Variants in SESTD1 observed in about 807,000 individuals in gnomAD.
SESTD1 encodes SEC14 domain and spectrin repeat-containing protein 1.
A neutral mutation model predicts 101.7 loss-of-function variants in SESTD1; 43 were observed. The ratio of observed to expected loss-of-function variants is 0.42; its 90% CI spans 0.33 to 0.55. SESTD1 has a LOEUF of 0.55. Among genes scored for constraint, SESTD1 ranks in the 20% least tolerant of loss-of-function variants. The pLI is 0.07. For missense variants in SESTD1, 647 were observed against 815.1 expected, an observed-to-expected ratio of 0.79 and a Z score of 2.51; for synonymous variants, 283 against 286.8, an observed-to-expected ratio of 0.99 and a Z score of 0.13.
intron 3 of SESTD1, among the ~76,000 whole-genome samples, chr2:179,182,447 A>G (rs929531360): frequency 4.6e-5 from 7 of 152,154 alleles, no homozygotes; most frequent in Non-Finnish European, 1.0e-4. Flanking sequence ...TAGAATTTTG[A>G]AAAAAATCTC....
chr2:179,156,496 GT>G (rs1399108122), intron 5 of SESTD1, among the ~76,000 whole-genome samples: 1 of 152,044 alleles, frequency 6.6e-6, no homozygotes, highest in South Asian at 2.1e-4. Flanking sequence ...GCCAACATCT[GT>G]TTTTTGATTA....
chr2:179,262,288 T>C (rs1306214357), intron 1 of SESTD1, among the ~76,000 whole-genome samples: 2 of 152,194 alleles, frequency 1.3e-5, no homozygotes, highest in Non-Finnish European at 2.9e-5. Context: ...GACATTTGCA[T>C]AATTTTGTGA....
intron 1 of SESTD1, among the ~76,000 whole-genome samples, chr2:179,214,144 T>C (rs1184625836): frequency 7.4e-6 from 1 of 134,492 alleles, no homozygotes; most frequent in Non-Finnish European, 1.6e-5. Flanking sequence ...TAACCTTAAA[T>C]GTAAATGGGC....
chr2:179,245,939 A>C (rs2047222966), intron 1 of SESTD1, among the ~76,000 whole-genome samples: 1 of 152,206 alleles, frequency 6.6e-6, no homozygotes, highest in African/African-American at 2.4e-5. Flanking sequence ...CTCAAAGTAA[A>C]AGGATGGAAA....
chr2:179,172,384 A>G (rs538970342), intron 4 of SESTD1, 151 bp from the exon 5 acceptor site: 1 of 503,008 alleles, frequency 2.0e-6, no homozygotes, highest in East Asian at 3.1e-5. Context: ...AGACTTCAAA[A>G]CATACATGGC....
chr2:179,182,072 T>C (rs2046123258), intron 3 of SESTD1, among the ~76,000 whole-genome samples: 1 of 151,676 alleles, frequency 6.6e-6, no homozygotes, highest in African/African-American at 2.4e-5. Flanking sequence ...TCAGTTGTTT[T>C]AACCCCATAC....
chr2:179,165,561 C>T (rs2045820820), intron 5 of SESTD1, among the ~76,000 whole-genome samples: 1 of 152,206 alleles, frequency 6.6e-6, no homozygotes, highest in Non-Finnish European at 1.5e-5. Context: ...CCATGAACTG[C>T]AGACCTTACT....
At position 179,103,417 on chromosome 2, in the gene SESTD1, C is replaced by G. The variant is rs1194164715; in HGVS notation, c.*6482G>C. ...TTTCTTTTAAAACTACCCTGTGACCCAGCAATTCTAATCCAAGGAATTTAC... is the reference window on the plus strand; with the variant it reads ...TTTCTTTTAAAACTACCCTGTGACCGAGCAATTCTAATCCAAGGAATTTAC... On this transcript the variant is annotated 3_prime_UTR_variant, in exon 18 of 18. Coordinates refer to ENST00000428443, the MANE Select transcript of SESTD1 (RefSeq NM_178123.5). 6.6e-6 allele frequency: 1 copy of G among 152,072 alleles called. No individual in the cohort carries two copies. Among genetic ancestry groups the G allele is most frequent in the Non-Finnish European group, 1.5e-5 (1 of 67,996 alleles). 9.4% of individuals were successfully genotyped at this position (152,072 alleles called of 1,614,324 possible). A position where few individuals can be genotyped will look rare whatever the true frequency, so the allele number is the denominator to read the frequency against.
chr2:179,206,635 A>G lies in SESTD1; in HGVS notation c.-25-14769T>C, dbSNP rs547974419. ...AAGGATGCTCCTAGCTGAACTCTGT[A>G]ATAATTGCAACTGAGCACAAACTTT... On this transcript the variant is annotated intron_variant, in intron 1 of 17. Transcript: ENST00000428443. 1.5e-5 allele frequency among the ~76,000 whole-genome samples: 2 copies of G among 134,850 alleles called. 1 individual carries two copies. The highest frequency in any genetic ancestry group is 5.9e-5 in the African/African-American group (2 of 34,088). 88.5% of individuals were successfully genotyped at this position (134,850 alleles called of 152,430 possible).
chr2:179,248,123 A>G (rs1225710128), intron 1 of SESTD1, among the ~76,000 whole-genome samples: 1 of 152,028 alleles, frequency 6.6e-6, no homozygotes, highest in African/African-American at 2.4e-5. Flanking sequence ...CAGAGATCTC[A>G]TGGCAGACTC....
At chr2:179,195,121 T>C (rs999805348) in intron 1 of SESTD1, among the ~76,000 whole-genome samples, 14 of 152,216 alleles carry the variant, frequency 9.2e-5, no homozygotes, top group Non-Finnish European at 1.8e-4. Flanking sequence ...GTAAGTGTTC[T>C]TGATGCAGAA....
chr2:179,108,109 G>C lies in SESTD1; in HGVS notation c.*1790C>G, dbSNP rs1283294526. 6.6e-6 allele frequency: 1 copy of C among 152,076 alleles called. No homozygotes were observed. Among genetic ancestry groups the C allele is most frequent in the Non-Finnish European group, 1.5e-5 (1 of 68,006 alleles). 9.4% of individuals were successfully genotyped at this position (152,076 alleles called of 1,614,324 possible). Reference sequence around the variant, plus strand: ...TTAATCAAGGTTGAAATGTCAACTAGGCAATTAAAAAGAAGTACAAGTCTA... The same window carrying C: ...TTAATCAAGGTTGAAATGTCAACTACGCAATTAAAAAGAAGTACAAGTCTA... On this transcript the variant is annotated 3_prime_UTR_variant, in exon 18 of 18. Coordinates refer to ENST00000428443, the MANE Select transcript of SESTD1 (RefSeq NM_178123.5).
chr2:179,192,271 G>C (rs942717729), intron 1 of SESTD1, among the ~76,000 whole-genome samples: 1 of 152,088 alleles, frequency 6.6e-6, no homozygotes, highest in Non-Finnish European at 1.5e-5. Context: ...AATCAAACAG[G>C]CAGTCAATCT....
intron 2 of SESTD1, 132 bp from the exon 3 acceptor site, chr2:179,183,320 C>T (rs111959975): frequency 0.028 from 14,869 of 523,888 alleles, 280 homozygotes; most frequent in Non-Finnish European, 0.033. Context: ...CTAATGGCTA[C>T]TTATAGATTG....
intron 3 of SESTD1, among the ~76,000 whole-genome samples, chr2:179,179,068 C>T (rs1168649216): frequency 3.3e-5 from 5 of 152,126 alleles, no homozygotes; most frequent in African/African-American, 9.7e-5. Context: ...CCAAAGATAA[C>T]TATTTCAAAA....
intron 1 of SESTD1, among the ~76,000 whole-genome samples, chr2:179,197,164 AG>A (rs1267274773): frequency 3.3e-5 from 5 of 152,328 alleles, no homozygotes; most frequent in Admixed American, 2.6e-4. Flanking sequence ...TGAAGAAAGA[AG>A]AAGCCTCAGG....
intron 5 of SESTD1, among the ~76,000 whole-genome samples, chr2:179,161,686 C>G (rs562100446): frequency 1.3e-5 from 2 of 151,976 alleles, no homozygotes; most frequent in East Asian, 3.9e-4. Flanking sequence ...GGTATTATGC[C>G]ATCAAAAATA....
intron 1 of SESTD1, among the ~76,000 whole-genome samples, chr2:179,229,749 T>TTGAGTATATATATATATA (rs1491118463): frequency 9.4e-6 from 1 of 106,358 alleles, no homozygotes; most frequent in African/African-American, 3.3e-5. Context: ...TTGTAAGAAC[T>TTGAGTATATATATATATA]TATATATATA....
In SESTD1 at chr2:179,196,248, C is replaced by T. The variant is rs758422590; in HGVS notation, c.-25-4382G>A. Among the ~76,000 whole-genome samples, 39 of 152,298 alleles carry T rather than the reference C, an allele frequency of 2.6e-4. No individual in the cohort carries two copies. In the East Asian group the frequency reaches 3.7e-3, roughly 14 times the overall value. ...CCACTCGAATCCTGCGCTTTTCCGA[C>T]GGGCTTAAAAAACGGCGCACCAGGA... is the stretch of plus-strand genomic sequence containing the variant. On this transcript the variant is annotated intron_variant, in intron 1 of 17. Coordinates refer to ENST00000428443, the MANE Select transcript of SESTD1 (RefSeq NM_178123.5).
Sources: gnomAD v4.1 joint callset for allele counts (sites outside exome capture counted in the v4.1 genomes callset) on GRCh38, gnomAD v4.1.1 for gene constraint, MANE v1.5 for transcripts, NCBI Gene and HGNC (gene_info 2026-07-23, HGNC 2026-07-21) for gene names.